Variants in ERBB4 observed in about 807,000 individuals in gnomAD.
ERBB4 encodes receptor tyrosine-protein kinase erbB-4.
A neutral mutation model predicts 158.0 loss-of-function variants in ERBB4; 42 were observed. The observed-to-expected ratio is 0.27, with a 90% CI of 0.21 to 0.34. The LOEUF (loss-of-function observed/expected upper bound fraction) is 0.34. Among genes scored for constraint, ERBB4 ranks in the 10% least tolerant of loss-of-function variants. The probability of loss-of-function intolerance (pLI) is 1.00; values close to 1 mark genes in which losing one functional copy is unlikely to be tolerated. For synonymous variants in ERBB4, 583 were observed against 558.7 expected (o/e 1.04, Z -0.61); for missense variants, 1,333 against 1,624.1 (o/e 0.82, Z 3.08).
chr2:211,541,885 T>G (rs2066818864), intron 20 of ERBB4, among the ~76,000 whole-genome samples: 1 of 152,022 alleles, frequency 6.6e-6, no homozygotes, highest in African/African-American at 2.4e-5. Context: ...ATGTTAACAC[T>G]CACATCTCTA....
intron 6 of ERBB4, among the ~76,000 whole-genome samples, chr2:211,723,887 C>T (rs2074181885): frequency 6.6e-6 from 1 of 152,120 alleles, no homozygotes; most frequent in South Asian, 2.1e-4. Context: ...TACCAAAAGC[C>T]AAAGTGGAAT....
chr2:212,366,899 T>G (rs2089909637), intron 1 of ERBB4, among the ~76,000 whole-genome samples: 1 of 152,008 alleles, frequency 6.6e-6, no homozygotes, highest in African/African-American at 2.4e-5. Context: ...AATTGATAAA[T>G]GATCTCTCTA....
At position 211,378,386 on chromosome 2, in the gene ERBB4, T is replaced by C. The variant is rs2062516014; in HGVS notation, c.*5229A>G. On this transcript the variant is annotated 3_prime_UTR_variant, in exon 28 of 28. Transcript: ENST00000342788. ...GGCAGGGGCCTGCAAAAGTGACAGA[T>C]CCTACATTTTTGGACCTCTACAAAA... The C allele has an allele frequency of 1.3e-5, 3 of 232,656 alleles. No homozygotes were observed. The highest frequency in any genetic ancestry group is 2.6e-5 in the Non-Finnish European group (3 of 117,554). The allele number at this position is 232,656 out of a possible 1,614,324, so 14.4% of individuals were successfully genotyped here. A position where few individuals can be genotyped will look rare whatever the true frequency, so the allele number is the denominator to read the frequency against.
intron 5 of ERBB4, among the ~76,000 whole-genome samples, chr2:211,741,873 A>C (rs1012650860): frequency 7.9e-5 from 12 of 152,226 alleles, no homozygotes; most frequent in Non-Finnish European, 1.6e-4. Context: ...ACTTATGTCA[A>C]AATGAAGAAC....
At chr2:212,016,211 C>T (rs1051100021) in intron 2 of ERBB4, among the ~76,000 whole-genome samples, 1 of 151,494 alleles carries the variant, frequency 6.6e-6, no homozygotes, top group Non-Finnish European at 1.5e-5. Flanking sequence ...ATCAAGTTCA[C>T]ATCAGGGGAA....
At chr2:212,093,218 T>A (rs1461254146) in intron 2 of ERBB4, among the ~76,000 whole-genome samples, 2 of 152,182 alleles carry the variant, frequency 1.3e-5, no homozygotes, top group Non-Finnish European at 2.9e-5. Flanking sequence ...ATGATTTATG[T>A]CATAACAATT....
intron 1 of ERBB4, among the ~76,000 whole-genome samples, chr2:212,267,056 A>C (rs2085162277): frequency 7.2e-6 from 1 of 139,558 alleles, no homozygotes; most frequent in South Asian, 2.3e-4. Context: ...GTAGATCATT[A>C]AATGCTACTC....
At chr2:212,060,937 T>C (rs2077743058) in intron 2 of ERBB4, among the ~76,000 whole-genome samples, 1 of 150,158 alleles carries the variant, frequency 6.7e-6, no homozygotes, top group Admixed American at 6.7e-5. Context: ...TGTGCACACG[T>C]ACCCTAAAAC....
At chr2:211,802,534 C>T (rs961458023) in intron 3 of ERBB4, among the ~76,000 whole-genome samples, 3 of 152,140 alleles carry the variant, frequency 2.0e-5, no homozygotes, top group African/African-American at 7.2e-5. Context: ...AAACCTAAGC[C>T]TTCTAAAAGT....
intron 3 of ERBB4, among the ~76,000 whole-genome samples, chr2:211,846,202 T>C (rs1307108394): frequency 1.3e-5 from 2 of 152,140 alleles, no homozygotes; most frequent in East Asian, 3.8e-4. Context: ...CAACCATCTT[T>C]AGGAAGAATA....
rs371358630 is a variant in ERBB4, at chr2:212,031,673, G to C, written c.235-84057C>G. Among the ~76,000 whole-genome samples the C allele has an allele frequency of 2.0e-5, 3 of 152,100 alleles. No homozygotes were observed. In the South Asian group the frequency reaches 6.2e-4, roughly 31 times the overall value. On this transcript the variant is annotated intron_variant, in intron 2 of 27. Transcript: ENST00000342788. ...TGTTTTTATGGTTTAATTATCAATA[G>C]TGACTCCTTTCACTTTCAAAAGTGT...
At chr2:212,029,016 G>T (rs1402717) in intron 2 of ERBB4, among the ~76,000 whole-genome samples, 1 of 151,950 alleles carries the variant, frequency 6.6e-6, no homozygotes. Flanking sequence ...ACCAGTGCAC[G>T]ATGTAAGTTT....
At chr2:212,205,735 G>T (rs1402269579) in intron 1 of ERBB4, among the ~76,000 whole-genome samples, 1 of 152,076 alleles carries the variant, frequency 6.6e-6, no homozygotes, top group Non-Finnish European at 1.5e-5. Context: ...ATAGAAATAA[G>T]TAGTCAGATA....
intron 4 of ERBB4, among the ~76,000 whole-genome samples, chr2:211,753,287 A>AC (rs1446231404): frequency 2.0e-5 from 3 of 151,894 alleles, no homozygotes; most frequent in Non-Finnish European, 4.4e-5. Flanking sequence ...TAGAAAAAAA[A>AC]AAACAAAATT....
chr2:212,482,905 A>G (rs1689777977), intron 1 of ERBB4, among the ~76,000 whole-genome samples: 1 of 152,346 alleles, frequency 6.6e-6, no homozygotes, highest in African/African-American at 2.4e-5. Context: ...TACAGGCGTG[A>G]ACCACTGTGC....
intron 1 of ERBB4, among the ~76,000 whole-genome samples, chr2:212,225,910 T>C (rs2083452564): frequency 6.6e-6 from 1 of 152,110 alleles, no homozygotes; most frequent in African/African-American, 2.4e-5. Context: ...ATGAATACAC[T>C]GTAGTTTCAT....
At chr2:212,028,111 A>G (rs1388688181) in intron 2 of ERBB4, among the ~76,000 whole-genome samples, 5 of 152,122 alleles carry the variant, frequency 3.3e-5, no homozygotes, top group Non-Finnish European at 5.9e-5. Flanking sequence ...ACTTCCTTCA[A>G]TAATAGCAAT....
At chr2:211,764,801 C>T (rs931425928) in intron 4 of ERBB4, among the ~76,000 whole-genome samples, 25 of 152,232 alleles carry the variant, frequency 1.6e-4, no homozygotes, top group African/African-American at 6.0e-4. Context: ...AATTTTGTGT[C>T]ACAACAAGGT....
At chr2:211,940,768 C>G (rs931738034) in intron 3 of ERBB4, among the ~76,000 whole-genome samples, 18 of 152,202 alleles carry the variant, frequency 1.2e-4, no homozygotes, top group Middle Eastern at 3.4e-3. Context: ...AACCCCACCA[C>G]TTATTTTGGC....
Sources: allele counts gnomAD v4.1 joint callset (sites outside exome capture counted in the v4.1 genomes callset), GRCh38; gene constraint gnomAD v4.1.1; transcripts MANE v1.5; gene names NCBI Gene and HGNC (gene_info 2026-07-23, HGNC 2026-07-21).